DSG4: variants seen among roughly 807,000 people sequenced by gnomAD.
DSG4 encodes the protein desmoglein 4.
A neutral mutation model predicts 93.1 loss-of-function variants in DSG4; 87 were observed. The observed-to-expected ratio is 0.93, with a 90% CI of 0.79 to 1.12. The LOEUF (loss-of-function observed/expected upper bound fraction) is 1.12, where lower values mean the gene tolerates loss of function less well. Ranked by LOEUF, DSG4 falls within the 50% of genes most tolerant of loss-of-function variation. The probability of loss-of-function intolerance (pLI) is 0.00; values close to 1 mark genes in which losing one functional copy is unlikely to be tolerated. For synonymous variants in DSG4, 432 were observed against 452.9 expected (o/e 0.95, Z 0.59); for missense variants, 1,373 against 1,285.7 (o/e 1.07, Z -1.04).
In DSG4 at chr18:31,412,908, G is replaced by A; in HGVS notation, c.2436G>A (p.Gly812=). 1 of 1,614,156 alleles carries A rather than the reference G, an allele frequency of 6.2e-7. No individual in the cohort carries two copies. Among genetic ancestry groups the A allele is most frequent in the South Asian group, 1.1e-5 (1 of 91,082 alleles). ...CLLIYDHEGV[G]SPVGSIGCCS... ...TCATTTATGACCACGAGGGAGTCGGGTCTCCCGTAGGCTCTATTGGTTGTT... is the reference window on the plus strand; with the variant it reads ...TCATTTATGACCACGAGGGAGTCGGATCTCCCGTAGGCTCTATTGGTTGTT... The change falls in exon 16 of 16, where the codon GGG becomes GGA. Residue 812 remains glycine, a synonymous_variant. Transcript: ENST00000308128.
At chr18:31,395,181 GA>G (rs201353732) in intron 8 of DSG4, among the ~76,000 whole-genome samples, 2 of 150,536 alleles carry the variant, frequency 1.3e-5, no homozygotes, top group Non-Finnish European at 2.9e-5. Flanking sequence ...TTATAAATAT[GA>G]AAAAAATTAA....
chr18:31,414,481 A>G lies in DSG4; in HGVS notation c.*886A>G, dbSNP rs1362691240. ...CAGATATTCTCCAAAAGCACTCTGT[A>G]GTTATTCATATATTCTACAATATTT... On this transcript the variant is annotated 3_prime_UTR_variant, in exon 16 of 16. Coordinates refer to ENST00000308128, the MANE Select transcript of DSG4 (RefSeq NM_177986.5). 6.6e-6 allele frequency: 1 copy of G among 152,218 alleles called. No homozygotes were observed. Among genetic ancestry groups the G allele is most frequent in the African/African-American group, 2.4e-5 (1 of 41,466 alleles). The allele number at this position is 152,218 out of a possible 1,614,324, so 9.4% of individuals were successfully genotyped here. A position where few individuals can be genotyped will look rare whatever the true frequency, so the allele number is the denominator to read the frequency against.
rs769668340 is a variant in DSG4 at position 31,413,214 on chromosome 18, T to G, written c.2742T>G (p.Ala914=). 1 of 1,614,078 alleles carries G rather than the reference T, an allele frequency of 6.2e-7. No homozygotes were observed. Among genetic ancestry groups the G allele is most frequent in the African/African-American group, 1.3e-5 (1 of 74,936 alleles). Reference sequence around the variant, plus strand: ...TTGTGACTGAGACTTACGGTAATGCTGATCCATGTGTGCAACCCACTACAA... The same window carrying G: ...TTGTGACTGAGACTTACGGTAATGCGGATCCATGTGTGCAACCCACTACAA... ...DIIVTETYGN[A]DPCVQPTTII... is the part of the protein sequence containing the mutation. The change falls in exon 16 of 16, where the codon GCT becomes GCG. Residue 914 remains alanine (A), a synonymous_variant. Transcript: ENST00000308128.
chr18:31,391,192 C>T lies in DSG4; in HGVS notation c.799C>T (p.Pro267Ser). ...IKVLDVNDNF[P>S]TLEKTSYSAS... ...GGTTTTAGACGTCAACGATAATTTC[C>T]CCACCTTAGAGAAAACTTCAGTAAG... is the stretch of plus-strand genomic sequence containing the variant. Residue 267 changes from proline to serine, a missense_variant, in exon 7 of 16, where the codon CCC becomes TCC. Pro to Ser is a moderately conservative substitution (Grantham distance 74). Transcript: ENST00000308128. The T allele has an allele frequency of 6.2e-7, 1 of 1,613,544 alleles. No individual in the cohort carries two copies. The highest frequency in any genetic ancestry group is 8.5e-7 in the Non-Finnish European group (1 of 1,179,634).
At chr18:31,381,065 G>A (rs2072128789) in intron 1 of DSG4, among the ~76,000 whole-genome samples, 1 of 152,140 alleles carries the variant, frequency 6.6e-6, no homozygotes, top group African/African-American at 2.4e-5. Context: ...AACTTGTCTT[G>A]CACATAGAGA....
intron 10 of DSG4, 58 bp from the exon 11 acceptor site, chr18:31,403,358 G>C: frequency 7.1e-7 from 1 of 1,402,942 alleles, no homozygotes; most frequent in East Asian, 2.4e-5. Flanking sequence ...GGGGATATGA[G>C]AAAGAGTTTT....
intron 8 of DSG4, 110 bp from the exon 9 acceptor site, chr18:31,399,162 C>A: frequency 1.4e-6 from 2 of 1,385,826 alleles, no homozygotes; most frequent in Non-Finnish European, 1.0e-6. Context: ...ATCTAAACAG[C>A]GTATCTCCTG....
At chr18:31,409,962 T>A (rs2072468215) in intron 14 of DSG4, among the ~76,000 whole-genome samples, 154 bp downstream of exon 14, 1 of 152,052 alleles carries the variant, frequency 6.6e-6, no homozygotes, top group Non-Finnish European at 1.5e-5. Flanking sequence ...AGTAGCCACT[T>A]TTTTTTTCTA....
chr18:31,406,133 C>T lies in DSG4; in HGVS notation c.1693C>T (p.Pro565Ser). ...TTTATCTCCAGGATTTTATGAAATCCCAATCCTGGTGAAGGACAGCTATAA... is the reference window on the plus strand; with the variant it reads ...TTTATCTCCAGGATTTTATGAAATCTCAATCCTGGTGAAGGACAGCTATAA... ...QVLSPGFYEI[P>S]ILVKDSYNRA... The change falls in exon 12 of 16, where the codon CCA (proline) becomes TCA (serine). Residue 565 changes from proline to serine, a missense_variant. By Grantham distance (74) the Pro-to-Ser change is moderately conservative. Coordinates refer to ENST00000308128, the MANE Select transcript of DSG4 (RefSeq NM_177986.5). 6.2e-7 allele frequency: 1 copy of T among 1,614,042 alleles called. No homozygotes were observed. Among genetic ancestry groups the T allele is most frequent in the Non-Finnish European group, 8.5e-7 (1 of 1,180,008 alleles).
intron 1 of DSG4, among the ~76,000 whole-genome samples, chr18:31,378,113 G>A (rs777510868): frequency 1.1e-4 from 16 of 152,218 alleles, no homozygotes; most frequent in South Asian, 4.1e-4. Context: ...AAAAGGGAAC[G>A]TGACAACAGT....
chr18:31,392,077 T>G, intron 7 of DSG4, 78 bp from the exon 8 acceptor site: 2 of 1,386,164 alleles, frequency 1.4e-6, no homozygotes, highest in Non-Finnish European at 2.0e-6. Flanking sequence ...GTTAGTATTT[T>G]AAATAATAAT....
chr18:31,406,020 C>A, intron 11 of DSG4, 57 bp from the exon 12 acceptor site: 5 of 1,605,006 alleles, frequency 3.1e-6, no homozygotes, highest in Non-Finnish European at 4.3e-6. Flanking sequence ...AGTTAACCAC[C>A]CCCCTAGCCC....
Position 31,400,872 on chromosome 18 carries a change from T to C in DSG4, c.1278-9T>C. ...AAGCATGATAACGAACTTTTTTATT[T>C]AAAAACAGATATATCATAGGGCATG... On this transcript the variant is annotated splice_polypyrimidine_tract_variant and intron_variant, in intron 9 of 15. Transcript: ENST00000308128. 2 of 1,611,362 alleles carry C rather than the reference T, an allele frequency of 1.2e-6. No individual in the cohort carries two copies. Among genetic ancestry groups the C allele is most frequent in the Non-Finnish European group, 1.7e-6 (2 of 1,178,542 alleles).
chr18:31,390,427 A>C (rs1178321531), intron 5 of DSG4, among the ~76,000 whole-genome samples: 1 of 152,140 alleles, frequency 6.6e-6, no homozygotes, highest in African/African-American at 2.4e-5. Flanking sequence ...TTTAGTATTT[A>C]ATCATTTAAG....
intron 8 of DSG4, 70 bp downstream of exon 8, chr18:31,392,410 G>A: frequency 6.6e-7 from 1 of 1,519,566 alleles, no homozygotes; most frequent in South Asian, 1.2e-5. Flanking sequence ...AATGACCTTA[G>A]AGACAGAATC....
At chr18:31,406,858 A>T (rs1437733902) in intron 12 of DSG4, among the ~76,000 whole-genome samples, 1 of 151,840 alleles carries the variant, frequency 6.6e-6, no homozygotes, top group East Asian at 1.9e-4. Flanking sequence ...GCTCACTGCA[A>T]CTTCTGCCTC....
Position 31,413,476 on chromosome 18 carries a change from C to T in DSG4, c.3004C>T (p.Gln1002Ter), listed in dbSNP as rs267605160. 59 of 1,611,676 alleles carry T rather than the reference C, an allele frequency of 3.7e-5. No individual in the cohort carries two copies. Among genetic ancestry groups the T allele is most frequent in the Non-Finnish European group, 4.2e-5 (50 of 1,178,274 alleles). Residue 1002 changes from glutamine to a stop codon, truncating the protein, a stop_gained, in exon 16 of 16, where the codon CAA (glutamine) becomes TAA (stop). Transcript: ENST00000308128. LOFTEE classifies it high-confidence loss of function. ...CAATATTTTAGTAGGGCCAGAAATT[C>T]AAGTGATGCAAATGATGAGTCCAGA... ...SGNILVGPEIQVMQMMSPDLP... is the reference protein window; with the variant it reads ...SGNILVGPEI
intron 14 of DSG4, 64 bp from the exon 15 acceptor site, chr18:31,411,167 G>A (rs757393907): frequency 3.1e-6 from 5 of 1,614,082 alleles, no homozygotes; most frequent in Non-Finnish European, 4.2e-6. Context: ...CGGCGGCAGC[G>A]TTTTAGGCAG....
At chr18:31,409,424 A>G in intron 12 of DSG4, 28 bp from the exon 13 acceptor site, 1 of 1,613,898 alleles carries the variant, frequency 6.2e-7, no homozygotes, top group East Asian at 2.2e-5. Flanking sequence ...AATGTGTGTT[A>G]ACTCGACATT....
Sources: allele counts gnomAD v4.1 joint callset (sites outside exome capture counted in the v4.1 genomes callset), GRCh38; gene constraint gnomAD v4.1.1; transcripts MANE v1.5; gene names NCBI Gene and HGNC (gene_info 2026-07-23, HGNC 2026-07-21).